The following POU2AF3 variants were observed in gnomAD, a reference collection of about 807,000 sequenced individuals.
POU2AF3 encodes the protein POU class 2 homeobox associating factor 3.
chr11:111,303,049 A>G, the POU2AF3 span, among the ~76,000 whole-genome samples: 1 of 152,234 alleles, frequency 6.6e-6, no homozygotes, highest in Non-Finnish European at 1.5e-5. Context: ...AATTTGTTAT[A>G]AAGTCAGTGT....
At chr11:111,306,515 C>T in the POU2AF3 span, 1 of 1,547,390 alleles carries the variant, frequency 6.5e-7, no homozygotes. Flanking sequence ...TTGATTCCTA[C>T]CTTCAGACAG....
chr11:111,302,854 G>A, the POU2AF3 span, among the ~76,000 whole-genome samples: 6 of 152,142 alleles, frequency 3.9e-5, no homozygotes, highest in Non-Finnish European at 8.8e-5. Context: ...CTGTGAGAGC[G>A]TACTTAGTAG....
the POU2AF3 span, chr11:111,299,949 C>T: frequency 3.7e-4 from 148 of 404,660 alleles, no homozygotes; most frequent in East Asian, 9.3e-4. Flanking sequence ...TCACCGCTTG[C>T]TCCCGGGCTG....
chr11:111,298,826 G>GGGGGGGGGGGCCC, the POU2AF3 span: 21 of 790,956 alleles, frequency 2.7e-5, no homozygotes, highest in Non-Finnish European at 3.6e-5. Flanking sequence ...CGTACCCCAG[G>GGGGGGGGGGGCCC]CCCCCGCCCG....
chr11:111,306,774 A>C, the POU2AF3 span, among the ~76,000 whole-genome samples: 1 of 152,254 alleles, frequency 6.6e-6, no homozygotes, highest in Non-Finnish European at 1.5e-5. Flanking sequence ...TTAAAAGTCA[A>C]TGTATAGAAG....
chr11:111,298,826 G>GCGGGGGGGGGCCCCC, the POU2AF3 span: 7 of 790,962 alleles, frequency 8.8e-6, no homozygotes, highest in Non-Finnish European at 1.2e-5. Context: ...CGTACCCCAG[G>GCGGGGGGGGGCCCCC]CCCCCGCCCG....
chr11:111,302,231 T>C, the POU2AF3 span, among the ~76,000 whole-genome samples: 2 of 152,226 alleles, frequency 1.3e-5, no homozygotes, highest in African/African-American at 4.8e-5. Context: ...AACCCTTCTG[T>C]TGGCTCTTTA....
At chr11:111,305,775 A>T in the POU2AF3 span, among the ~76,000 whole-genome samples, 1 of 152,236 alleles carries the variant, frequency 6.6e-6, no homozygotes, top group Admixed American at 6.5e-5. Context: ...TCACATCATG[A>T]TGTTAACATG....
the POU2AF3 span, chr11:111,308,183 G>C: frequency 6.4e-7 from 1 of 1,551,802 alleles, no homozygotes. Context: ...TGCTTCTCTG[G>C]ACACCAGAAC....
the POU2AF3 span, among the ~76,000 whole-genome samples, chr11:111,303,917 TACTC>T: frequency 5.9e-5 from 9 of 151,972 alleles, no homozygotes; most frequent in African/African-American, 1.9e-4. Flanking sequence ...AATCCTAAAT[TACTC>T]AGTATAATTA....
chr11:111,305,591 T>C, the POU2AF3 span, among the ~76,000 whole-genome samples: 6 of 152,236 alleles, frequency 3.9e-5, no homozygotes, highest in African/African-American at 7.2e-5. Context: ...TTAAAGGAAC[T>C]TGAGACCTCA....
At chr11:111,308,385 C>G in the POU2AF3 span, 1 of 1,551,654 alleles carries the variant, frequency 6.4e-7, no homozygotes, top group Middle Eastern at 1.7e-4. Flanking sequence ...TCAGCAGCCG[C>G]CACCAGTGAT....
the POU2AF3 span, among the ~76,000 whole-genome samples, chr11:111,302,745 G>A: frequency 7.2e-5 from 11 of 152,130 alleles, no homozygotes; most frequent in South Asian, 4.1e-4. Flanking sequence ...CTATGCCCTC[G>A]CAAGCAAGCA....
At chr11:111,298,949 G>A in the POU2AF3 span, 1 of 1,031,464 alleles carries the variant, frequency 9.7e-7, no homozygotes, top group Non-Finnish European at 1.2e-6. Context: ...CGGGGGCAGA[G>A]CGCACCGACT....
the POU2AF3 span, chr11:111,308,579 A>C: frequency 4.8e-5 from 44 of 913,986 alleles, no homozygotes; most frequent in East Asian, 1.2e-3. Flanking sequence ...TCTGATGCTA[A>C]GCATTCATAT....
the POU2AF3 span, among the ~76,000 whole-genome samples, chr11:111,305,932 A>T: frequency 6.6e-6 from 1 of 152,246 alleles, no homozygotes; most frequent in Admixed American, 6.5e-5. Flanking sequence ...GTTACTGAGT[A>T]AGAGTGAAAA....
At chr11:111,303,158 C>T in the POU2AF3 span, among the ~76,000 whole-genome samples, 2 of 152,268 alleles carry the variant, frequency 1.3e-5, no homozygotes, top group South Asian at 2.1e-4. Context: ...TCAAGCAGTG[C>T]CGGAAGAAAC....
At chr11:111,300,247 C>A in the POU2AF3 span, 1 of 315,190 alleles carries the variant, frequency 3.2e-6, no homozygotes, top group Non-Finnish European at 5.7e-6. Context: ...CAGAAAAACC[C>A]GTTTGCTATT....
the POU2AF3 span, chr11:111,306,388 C>A: frequency 3.5e-6 from 5 of 1,439,146 alleles, no homozygotes; most frequent in Non-Finnish European, 4.6e-6. Context: ...TTCCTTTCTC[C>A]TCTAGGACTG....
Sources: allele counts gnomAD v4.1 joint callset (sites outside exome capture counted in the v4.1 genomes callset), GRCh38; gene constraint gnomAD v4.1.1; transcripts MANE v1.5; gene names NCBI Gene and HGNC (gene_info 2026-07-23, HGNC 2026-07-21).